OC90: variants seen among roughly 807,000 people sequenced by gnomAD.
The protein encoded by OC90 is otoconin-90.
A neutral mutation model predicts 47.3 loss-of-function variants in OC90; 46 were observed. That is an observed-to-expected ratio of 0.97 (90% CI 0.77 to 1.24). The LOEUF is 1.24. Ranked by LOEUF, OC90 falls within the 50% of genes most tolerant of loss-of-function variation. The pLI is 0.00. For missense variants in OC90, 688 were observed against 583.9 expected, an observed-to-expected ratio of 1.18 and a Z score of -1.84; for synonymous variants, 271 against 219.5, an observed-to-expected ratio of 1.23 and a Z score of -2.07.
intron 5 of OC90, 55 bp from the exon 6 acceptor site, chr8:132,041,211 G>C: frequency 9.4e-7 from 1 of 1,068,154 alleles, no homozygotes; most frequent in Non-Finnish European, 1.5e-6. Context: ...GTGAGGGAGG[G>C]CAGGCAGCTC....
chr8:132,040,939 GA>G, intron 6 of OC90, 104 bp downstream of exon 6: 1 of 735,128 alleles, frequency 1.4e-6, no homozygotes, highest in Non-Finnish European at 2.5e-6. Context: ...TGCCAGTGGT[GA>G]CGATGATGTG....
Position 132,040,464 on chromosome 8 carries a change from G to A in OC90, c.457+580C>T, listed in dbSNP as rs562539020. Reference sequence around the variant, plus strand: ...CTCTGCCAGGGTTGCCTAGAGACATGAAATAAAATTCCTGGAGTCACATAG... The same window carrying A: ...CTCTGCCAGGGTTGCCTAGAGACATAAAATAAAATTCCTGGAGTCACATAG... On this transcript the variant is annotated intron_variant, in intron 6 of 13. Coordinates refer to ENST00000254627, the MANE Select transcript of OC90 (RefSeq NM_001080399.3). 4.6e-5 allele frequency among the ~76,000 whole-genome samples: 7 copies of A among 152,290 alleles called. No homozygotes were observed. In the East Asian group the frequency reaches 1.4e-3, roughly 29 times the overall value.
At position 132,024,675 on chromosome 8, in the gene OC90, T is replaced by G; in HGVS notation, c.1240A>C (p.Ser414Arg). The change falls in exon 14 of 14, where the codon AGC becomes CGC. Residue 414 changes from serine (S) to arginine (R), a missense_variant. Transcript: ENST00000254627. ...ASFNQSLKSP[S>R]RLGCPGQPAA... is the part of the protein sequence containing the mutation. ...GGCTGCCCAGGGCACCCGAGTCTGC[T>G]TGGGGACTTGAGGCTTTGGTTAAAG... is the stretch of plus-strand genomic sequence containing the variant. 3.1e-6 allele frequency: 5 copies of G among 1,613,624 alleles called. No homozygotes were observed. In the Middle Eastern group the frequency reaches 8.3e-4, roughly 266 times the overall value.
intron 13 of OC90, among the ~76,000 whole-genome samples, chr8:132,026,955 G>T (rs1015931936): frequency 3.9e-5 from 6 of 152,044 alleles, no homozygotes; most frequent in South Asian, 2.1e-4. Flanking sequence ...CAGAACCACA[G>T]CTCAGTTGTC....
At chr8:132,039,624 C>T (rs1253161600) in intron 6 of OC90, among the ~76,000 whole-genome samples, 2 of 152,122 alleles carry the variant, frequency 1.3e-5, no homozygotes, top group African/African-American at 4.8e-5. Flanking sequence ...ATGATTGCTC[C>T]CCTGACCCAC....
chr8:132,054,900 G>A, intron 2 of OC90, 81 bp downstream of exon 2: 4 of 872,084 alleles, frequency 4.6e-6, no homozygotes, highest in East Asian at 2.9e-5. Context: ...GATGGTGGGG[G>A]TGGGCCTGTT....
At chr8:132,034,470 T>C (rs1822924348) in intron 10 of OC90, among the ~76,000 whole-genome samples, 1 of 152,190 alleles carries the variant, frequency 6.6e-6, no homozygotes, top group South Asian at 2.1e-4. Context: ...CAGAGCCCAG[T>C]GTCTGCTCTC....
intron 2 of OC90, among the ~76,000 whole-genome samples, chr8:132,046,366 C>T (rs891946851): frequency 2.0e-5 from 3 of 152,166 alleles, no homozygotes; most frequent in African/African-American, 7.2e-5. Context: ...TGCTCTCACT[C>T]AAGTTTGATT....
intron 2 of OC90, among the ~76,000 whole-genome samples, chr8:132,054,395 C>T (rs983466500): frequency 6.6e-6 from 1 of 152,218 alleles, no homozygotes; most frequent in African/African-American, 2.4e-5. Flanking sequence ...GTTTCCTCTA[C>T]TGCAATCTGC....
chr8:132,050,958 C>T (rs1220569738), intron 2 of OC90, among the ~76,000 whole-genome samples: 1 of 152,182 alleles, frequency 6.6e-6, no homozygotes, highest in African/African-American at 2.4e-5. Flanking sequence ...CACGCCATTG[C>T]ACTCCAACCT....
chr8:132,038,696 G>T, intron 8 of OC90, 94 bp downstream of exon 8: 1 of 968,290 alleles, frequency 1.0e-6, no homozygotes, highest in Non-Finnish European at 1.6e-6. Flanking sequence ...TCCAGCTCCA[G>T]TGAGGCAGGC....
At chr8:132,044,039 G>A (rs866313867) in intron 4 of OC90, among the ~76,000 whole-genome samples, 1 of 152,158 alleles carries the variant, frequency 6.6e-6, no homozygotes, top group African/African-American at 2.4e-5. Context: ...ATTTACTAGT[G>A]AGGGAAGAAA....
Position 132,042,457 on chromosome 8 carries a change from G to A in OC90, c.170-758C>T, listed in dbSNP as rs118163329. On this transcript the variant is annotated intron_variant, in intron 4 of 13. Transcript: ENST00000254627. The stretch of plus-strand genomic sequence containing the variant: ...ATGGGTAAATTGATACTGAGGCTCG[G>A]GGTCCCAACAATCCCCTCACCCAGG... Among the ~76,000 whole-genome samples the A allele has an allele frequency of 9.8e-3, 1,494 of 152,190 alleles. 11 individuals are homozygous for A. The highest frequency in any genetic ancestry group is 0.017 in the Middle Eastern group (5 of 294).
At chr8:132,040,898 C>T (rs1034486619) in intron 6 of OC90, 146 bp downstream of exon 6, 3 of 627,262 alleles carry the variant, frequency 4.8e-6, no homozygotes, top group African/African-American at 1.8e-5. Flanking sequence ...TGATCCAGCC[C>T]TCGTGGGGCT....
At chr8:132,038,485 G>T (rs57369416) in intron 8 of OC90, among the ~76,000 whole-genome samples, 256 of 152,318 alleles carry the variant, frequency 1.7e-3, no homozygotes, top group African/African-American at 6.0e-3. Context: ...CTACATACCA[G>T]GGCTCTGACT....
chr8:132,035,906 C>T (rs1822952337), intron 9 of OC90, among the ~76,000 whole-genome samples: 1 of 152,282 alleles, frequency 6.6e-6, no homozygotes, highest in Non-Finnish European at 1.5e-5. Flanking sequence ...ACATAGGAGG[C>T]CCTCAACAAG....
rs369966855 is a variant in OC90, at chr8:132,041,667, C to G, written c.202G>C (p.Ala68Pro). 3.7e-6 allele frequency: 6 copies of G among 1,602,900 alleles called. No homozygotes were observed. Among genetic ancestry groups the G allele is most frequent in the Non-Finnish European group, 5.1e-6 (6 of 1,174,938 alleles). ...CLGPHFTWLQ[A>P]VFTNFPVLIQ... ...AGCACAGGGAAATTGGTGAAGACAG[C>G]CTGCAGCCAGGTGAAGTGGGGGCCC... Residue 68 changes from alanine to proline, a missense_variant, in exon 5 of 14, where the codon GCT (alanine) becomes CCT (proline). Physicochemically the swap from Ala to Pro is conservative, Grantham distance 27. Coordinates refer to ENST00000254627, the MANE Select transcript of OC90 (RefSeq NM_001080399.3).
At chr8:132,054,001 C>T (rs1032061855) in intron 2 of OC90, among the ~76,000 whole-genome samples, 22 of 152,204 alleles carry the variant, frequency 1.4e-4, no homozygotes, top group African/African-American at 5.1e-4. Flanking sequence ...ATGGTCAACA[C>T]TCACAAAGCA....
chr8:132,034,810 A>C lies in OC90; in HGVS notation c.704T>G (p.Val235Gly), dbSNP rs1347215324. Residue 235 changes from valine (V) to glycine (G), a missense_variant, in exon 10 of 14, where the codon GTG becomes GGG. Transcript: ENST00000254627. The part of the protein sequence containing the change: ...GEEAGHDQEG[V>G]GAARATSPPG... The stretch of plus-strand genomic sequence containing the variant: ...AGGGGACGTAGCCCTAGCAGCTCCC[A>C]CTCCTTCCTGATCGTGGCCTGCTTC... The C allele has an allele frequency of 6.2e-7, 1 of 1,611,618 alleles. No homozygotes were observed.
Sources: allele counts gnomAD v4.1 joint callset (sites outside exome capture counted in the v4.1 genomes callset), GRCh38; gene constraint gnomAD v4.1.1; transcripts MANE v1.5; gene names NCBI Gene and HGNC (gene_info 2026-07-23, HGNC 2026-07-21).